Variants in C10orf143 observed in about 807,000 individuals in gnomAD.
C10orf143 encodes the protein uncharacterized protein C10orf143.
chr10:130,089,260 A>C (rs1590027229), intron 1 of C10orf143, among the ~76,000 whole-genome samples: 2 of 152,240 alleles, frequency 1.3e-5, no homozygotes, highest in East Asian at 3.8e-4. Flanking sequence ...GCACACTGTA[A>C]ACCTAAGTTA....
chr10:130,055,574 A>G (rs1479728266), intron 3 of C10orf143, among the ~76,000 whole-genome samples: 1 of 152,200 alleles, frequency 6.6e-6, no homozygotes, highest in Non-Finnish European at 1.5e-5. Flanking sequence ...CTCATTTTTA[A>G]AAAGTTTGTC....
intron 3 of C10orf143, among the ~76,000 whole-genome samples, chr10:130,036,255 C>A (rs1860543902): frequency 6.6e-6 from 1 of 152,126 alleles, no homozygotes; most frequent in Middle Eastern, 3.2e-3. Context: ...AGCTGGGTGC[C>A]CACTTCCCAT....
intron 3 of C10orf143, among the ~76,000 whole-genome samples, chr10:130,078,017 T>G (rs1231439503): frequency 3.3e-5 from 5 of 152,194 alleles, no homozygotes; most frequent in Admixed American, 3.3e-4. Flanking sequence ...GAAAAGAATA[T>G]TGAGTATTAA....
chr10:130,060,685 G>A (rs137896364), downstream of C10orf143, among the ~76,000 whole-genome samples: 31 of 152,118 alleles, frequency 2.0e-4, no homozygotes, highest in East Asian at 2.9e-3. Flanking sequence ...TTAGCCGGGC[G>A]TGGTAGCGGG....
chr10:130,040,671 A>G (rs550101204), intron 3 of C10orf143, among the ~76,000 whole-genome samples: 2 of 152,268 alleles, frequency 1.3e-5, no homozygotes, highest in South Asian at 4.1e-4. Context: ...TGTCTCTACT[A>G]AAAATACAAA....
chr10:130,046,977 C>T (rs1287931852), intron 3 of C10orf143, among the ~76,000 whole-genome samples: 1 of 152,210 alleles, frequency 6.6e-6, no homozygotes, highest in Non-Finnish European at 1.5e-5. Context: ...TTCTAGTCAA[C>T]AGACAGTACG....
At chr10:130,102,285 A>G (rs2134810841) in intron 1 of C10orf143, among the ~76,000 whole-genome samples, 1 of 151,824 alleles carries the variant, frequency 6.6e-6, no homozygotes, top group East Asian at 1.9e-4. Flanking sequence ...TTCGTTTATT[A>G]TTTTTATTTT....
intron 3 of C10orf143, among the ~76,000 whole-genome samples, chr10:130,046,792 A>C (rs1860680005): frequency 6.6e-6 from 1 of 152,192 alleles, no homozygotes; most frequent in Non-Finnish European, 1.5e-5. Context: ...AGGTTCATTT[A>C]ATCCGTGCGT....
chr10:130,099,931 A>G (rs1186083), intron 1 of C10orf143, among the ~76,000 whole-genome samples: 94,626 of 149,038 alleles, frequency 0.63, 30,299 homozygotes, highest in Admixed American at 0.72. Flanking sequence ...TCCGCCTCCC[A>G]GGTTCAAGCG....
At position 130,102,047 on chromosome 10, in the gene C10orf143, T is replaced by C. The variant is rs1861566317; in HGVS notation, c.69+8657A>G. 2.6e-5 allele frequency among the ~76,000 whole-genome samples: 4 copies of C among 151,938 alleles called. No homozygotes were observed. In the East Asian group the frequency reaches 5.8e-4, roughly 22 times the overall value. ...TTTGGGAGGCTGAAGCCAGGCAGAT[T>C]GCTTGAGCCCAGGAGTTTGAGACCA... On this transcript the variant is annotated intron_variant, in intron 1 of 3. Coordinates refer to ENST00000637128, the MANE Select transcript of C10orf143 (RefSeq NM_001355042.2).
intron 1 of C10orf143, among the ~76,000 whole-genome samples, chr10:130,080,108 T>C (rs1276751345): frequency 6.6e-6 from 1 of 152,248 alleles, no homozygotes. Flanking sequence ...TTGCATTGCC[T>C]GATATTTACT....
At chr10:130,110,450 G>A (rs1861742651) in intron 1 of C10orf143, among the ~76,000 whole-genome samples, 1 of 152,218 alleles carries the variant, frequency 6.6e-6, no homozygotes, top group East Asian at 1.9e-4. Flanking sequence ...CAGTGAGCGT[G>A]TGGGTCAGGA....
chr10:130,061,370 T>C (rs1477587666), downstream of C10orf143, among the ~76,000 whole-genome samples: 2 of 152,242 alleles, frequency 1.3e-5, no homozygotes, highest in Non-Finnish European at 1.5e-5. Context: ...GGAAATAAAC[T>C]ATATTTTTGA....
intron 1 of C10orf143, among the ~76,000 whole-genome samples, chr10:130,084,022 T>G (rs1192439297): frequency 1.3e-5 from 2 of 152,096 alleles, no homozygotes; most frequent in Non-Finnish European, 2.9e-5. Flanking sequence ...TTAAAAATAC[T>G]ATTTTGGGCC....
chr10:130,073,780 C>G (rs558420849), intron 3 of C10orf143, among the ~76,000 whole-genome samples: 2 of 152,074 alleles, frequency 1.3e-5, no homozygotes, highest in Non-Finnish European at 2.9e-5. Context: ...AGAAAATGAC[C>G]TAAATAACAG....
intron 1 of C10orf143, among the ~76,000 whole-genome samples, chr10:130,101,865 C>CAAAAAAAAAAAAAAAAAAAAAAAA (rs1267433489): frequency 2.1e-5 from 1 of 47,730 alleles, no homozygotes. Context: ...AAAAAAAAAC[C>CAAAAAAAAAAAAAAAAAAAAAAAA]AAAAAAAAAA....
intron 1 of C10orf143, among the ~76,000 whole-genome samples, chr10:130,092,948 G>T (rs1861405053): frequency 6.6e-6 from 1 of 152,150 alleles, no homozygotes; most frequent in African/African-American, 2.4e-5. Flanking sequence ...AAGAGATTTA[G>T]ACTCCCACAC....
chr10:130,096,216 G>C (rs140058586), intron 1 of C10orf143, among the ~76,000 whole-genome samples: 6,259 of 152,188 alleles, frequency 0.041, 432 homozygotes, highest in African/African-American at 0.14. Flanking sequence ...GGTCATTAGA[G>C]AGATGCAAAC....
intron 3 of C10orf143, among the ~76,000 whole-genome samples, chr10:130,041,732 A>G (rs1247457483): frequency 6.6e-6 from 1 of 152,238 alleles, no homozygotes; most frequent in South Asian, 2.1e-4. Flanking sequence ...TGCTGATGAA[A>G]TGTGTCCATA....
Sources: allele counts gnomAD v4.1 joint callset (sites outside exome capture counted in the v4.1 genomes callset), GRCh38; gene constraint gnomAD v4.1.1; transcripts MANE v1.5; gene names NCBI Gene and HGNC (gene_info 2026-07-23, HGNC 2026-07-21).